Variants in CENPP observed in about 807,000 individuals in gnomAD.
CENPP encodes the protein centromere protein P.
In CENPP, 24 loss-of-function variants were observed where a neutral mutation model predicts 35.6. That is an observed-to-expected ratio of 0.67 (90% confidence interval 0.49 to 0.95). The LOEUF is 0.95. Among genes scored for constraint, CENPP ranks in the 40% least tolerant of loss-of-function variants. The pLI is 0.00. For missense variants in CENPP, 332 were observed against 345.3 expected (o/e 0.96, Z 0.31); for synonymous variants, 120 against 125.5 (o/e 0.96, Z 0.29).
intron 5 of CENPP, among the ~76,000 whole-genome samples, chr9:92,407,169 A>C (rs954129597): frequency 1.1e-4 from 17 of 152,116 alleles, no homozygotes; most frequent in Non-Finnish European, 1.8e-4. Flanking sequence ...GCTTATTCTC[A>C]GTGTTCAGAG....
At chr9:92,601,828 G>A (rs1212847641) in intron 5 of CENPP, among the ~76,000 whole-genome samples, 1 of 152,218 alleles carries the variant, frequency 6.6e-6, no homozygotes, top group East Asian at 1.9e-4. Flanking sequence ...AGGTGTCTGG[G>A]AGAGCTCGTG....
At chr9:92,459,960 C>A (rs963727393) in intron 5 of CENPP, among the ~76,000 whole-genome samples, 10 of 151,218 alleles carry the variant, frequency 6.6e-5, no homozygotes, top group Admixed American at 4.6e-4. Flanking sequence ...TCAGAAAATT[C>A]TTTGACCTAA....
intron 5 of CENPP, among the ~76,000 whole-genome samples, chr9:92,561,388 G>A (rs915246696): frequency 2.5e-4 from 38 of 152,094 alleles, no homozygotes; most frequent in African/African-American, 8.2e-4. Context: ...TTTAGGTCTT[G>A]GTTTTAACAT....
intron 5 of CENPP, among the ~76,000 whole-genome samples, chr9:92,481,062 CAT>C (rs550936794): frequency 5.9e-5 from 9 of 152,310 alleles, no homozygotes; most frequent in African/African-American, 2.2e-4. Context: ...AATTTCTCCA[CAT>C]GTCTAGCAAT....
chr9:92,435,558 A>G (rs1844226936), intron 5 of CENPP, among the ~76,000 whole-genome samples: 1 of 152,214 alleles, frequency 6.6e-6, no homozygotes, highest in African/African-American at 2.4e-5. Flanking sequence ...TTATAGGTAC[A>G]TAAATCTCTT....
intron 5 of CENPP, among the ~76,000 whole-genome samples, chr9:92,478,975 C>A (rs972132117): frequency 2.0e-5 from 3 of 152,168 alleles, no homozygotes; most frequent in Non-Finnish European, 4.4e-5. Context: ...GCAGCGGGAG[C>A]AAGGACTGGC....
At chr9:92,506,620 C>T (rs768099077) in intron 5 of CENPP, among the ~76,000 whole-genome samples, 16 of 152,170 alleles carry the variant, frequency 1.1e-4, no homozygotes, top group African/African-American at 2.4e-4. Context: ...ACAGCAAAGA[C>T]GGTTGCATCA....
At chr9:92,465,470 C>T (rs1845270257) in intron 5 of CENPP, among the ~76,000 whole-genome samples, 1 of 152,004 alleles carries the variant, frequency 6.6e-6, no homozygotes, top group South Asian at 2.1e-4. Context: ...GAAATATAAC[C>T]TTGAAGAAAT....
At chr9:92,432,564 G>A (rs1844138529) in intron 5 of CENPP, among the ~76,000 whole-genome samples, 1 of 152,112 alleles carries the variant, frequency 6.6e-6, no homozygotes, top group Non-Finnish European at 1.5e-5. Context: ...GCCAAATAAG[G>A]AGGATTGGGT....
chr9:92,601,684 G>A (rs1447721713), intron 5 of CENPP, among the ~76,000 whole-genome samples: 1 of 152,204 alleles, frequency 6.6e-6, no homozygotes, highest in South Asian at 2.1e-4. Context: ...CAGAGGAGTG[G>A]GCTGGGAGGG....
chr9:92,348,706 A>C (rs1482885951), intron 4 of CENPP, among the ~76,000 whole-genome samples: 3 of 152,006 alleles, frequency 2.0e-5, no homozygotes, highest in Non-Finnish European at 2.9e-5. Flanking sequence ...AACATTTCTT[A>C]CTGTGCTTGT....
chr9:92,518,293 C>T (rs537055489), intron 5 of CENPP, among the ~76,000 whole-genome samples: 30 of 152,254 alleles, frequency 2.0e-4, no homozygotes, highest in Admixed American at 3.9e-4. Context: ...CTGATCACTG[C>T]GGTAGTGGAA....
intron 5 of CENPP, among the ~76,000 whole-genome samples, chr9:92,541,072 C>T (rs1245692618): frequency 2.0e-5 from 3 of 151,806 alleles, no homozygotes; most frequent in African/African-American, 7.3e-5. Context: ...CCAGCCTGGC[C>T]AACATGGTGA....
At chr9:92,328,753 A>C (rs1171065861) in intron 1 of CENPP, among the ~76,000 whole-genome samples, 1 of 152,254 alleles carries the variant, frequency 6.6e-6, no homozygotes, top group African/African-American at 2.4e-5. Flanking sequence ...AACAAATCCA[A>C]AATAGCTCAA....
intron 5 of CENPP, among the ~76,000 whole-genome samples, chr9:92,534,334 A>G (rs1365607092): frequency 1.3e-5 from 2 of 152,194 alleles, no homozygotes; most frequent in African/African-American, 4.8e-5. Context: ...ACTTCTTTTT[A>G]TAACTTCATC....
intron 5 of CENPP, chr9:92,474,720 T>A (rs1307066318): frequency 6.2e-7 from 1 of 1,611,900 alleles, no homozygotes; most frequent in African/African-American, 1.3e-5. Context: ...CTTGGCTCTC[T>A]TGTTGGAAAA....
intron 5 of CENPP, among the ~76,000 whole-genome samples, chr9:92,575,162 A>G (rs1156633938): frequency 6.6e-6 from 1 of 152,236 alleles, no homozygotes; most frequent in African/African-American, 2.4e-5. Context: ...GATTTCTTAG[A>G]TATGACAGCA....
intron 5 of CENPP, among the ~76,000 whole-genome samples, chr9:92,561,919 C>T (rs530116798): frequency 6.6e-6 from 1 of 152,182 alleles, no homozygotes; most frequent in Non-Finnish European, 1.5e-5. Flanking sequence ...CTATTATCCT[C>T]CAGTTTACAG....
At chr9:92,381,275 G>T (rs1270653853) in intron 5 of CENPP, among the ~76,000 whole-genome samples, 1 of 144,904 alleles carries the variant, frequency 6.9e-6, no homozygotes, top group Non-Finnish European at 1.5e-5. Context: ...GCATGTGTCA[G>T]ATTTCTTTTC....
Sources: allele counts gnomAD v4.1 joint callset (sites outside exome capture counted in the v4.1 genomes callset), GRCh38; gene constraint gnomAD v4.1.1; transcripts MANE v1.5; gene names NCBI Gene and HGNC (gene_info 2026-07-23, HGNC 2026-07-21).